The following CPNE8 variants were observed in gnomAD, a reference collection of about 807,000 sequenced individuals.
CPNE8 encodes copine-8.
Under a neutral mutation model 81.5 loss-of-function variants are expected in CPNE8, and 45 were observed. The observed-to-expected ratio is 0.55, with a 90% CI of 0.44 to 0.71. CPNE8 has a LOEUF of 0.71. CPNE8 is among the 30% of genes least tolerant of loss of function. CPNE8 has a pLI of 0.00. For synonymous variants in CPNE8, 252 were observed against 226.3 expected (o/e 1.11, Z -1.02); for missense variants, 594 against 672.1 (o/e 0.88, Z 1.28).
intron 6 of CPNE8, among the ~76,000 whole-genome samples, chr12:38,822,454 G>A (rs1943122122): frequency 6.6e-6 from 1 of 151,704 alleles, no homozygotes; most frequent in Non-Finnish European, 1.5e-5. Flanking sequence ...CATGAAGGAA[G>A]GAAGGAAAGA....
chr12:38,738,322 T>C (rs906364424), intron 10 of CPNE8, among the ~76,000 whole-genome samples: 4 of 152,156 alleles, frequency 2.6e-5, no homozygotes, highest in Non-Finnish European at 5.9e-5. Context: ...CCCAAAAATA[T>C]ATGTCTACCC....
At chr12:38,810,553 T>C (rs1353895988) in intron 6 of CPNE8, among the ~76,000 whole-genome samples, 1 of 152,098 alleles carries the variant, frequency 6.6e-6, no homozygotes, top group African/African-American at 2.4e-5. Context: ...TTCTAACATG[T>C]TCTTCAAAAT....
chr12:38,803,490 T>C (rs1319974104), intron 6 of CPNE8, among the ~76,000 whole-genome samples: 2 of 149,896 alleles, frequency 1.3e-5, no homozygotes, highest in Admixed American at 6.7e-5. Context: ...ATAAATTAGG[T>C]ATTGATGGGA....
chr12:38,862,554 C>G (rs921419665), intron 3 of CPNE8, among the ~76,000 whole-genome samples: 2 of 152,062 alleles, frequency 1.3e-5, no homozygotes, highest in Non-Finnish European at 2.9e-5. Context: ...ACATAACAAA[C>G]TTGGATATAA....
chr12:38,870,917 G>C (rs1272988093), intron 3 of CPNE8, among the ~76,000 whole-genome samples: 1 of 151,868 alleles, frequency 6.6e-6, no homozygotes, highest in Non-Finnish European at 1.5e-5. Flanking sequence ...TAACCTTTCT[G>C]TGTTTCATTT....
intron 13 of CPNE8, among the ~76,000 whole-genome samples, chr12:38,723,345 T>A (rs1940613289): frequency 6.6e-6 from 1 of 152,108 alleles, no homozygotes; most frequent in South Asian, 2.1e-4. Context: ...ACCAACTAAA[T>A]GACTACACCA....
In CPNE8 at chr12:38,845,832, T is replaced by A. The variant is rs143929468; in HGVS notation, c.290+2727A>T. Among the ~76,000 whole-genome samples, 480 of 152,302 alleles carry A rather than the reference T, an allele frequency of 3.2e-3. 1 individual carries two copies. Among genetic ancestry groups the A allele is most frequent in the African/African-American group, 0.011 (450 of 41,574 alleles). ...ATGGACTTGTTACTCCTCTTGATGATCTTCTGCAGGTAACCCTTTCTAGCC... is the reference window on the plus strand; with the variant it reads ...ATGGACTTGTTACTCCTCTTGATGAACTTCTGCAGGTAACCCTTTCTAGCC... On this transcript the variant is annotated intron_variant, in intron 4 of 19. Transcript: ENST00000331366.
At chr12:38,899,889 A>T (rs1046382460) in intron 1 of CPNE8, among the ~76,000 whole-genome samples, 2 of 152,162 alleles carry the variant, frequency 1.3e-5, no homozygotes, top group African/African-American at 4.8e-5. Context: ...GCACACATGA[A>T]TTGGGAAGAG....
In CPNE8 at chr12:38,716,984, A is replaced by C. The variant is rs181068870; in HGVS notation, c.914+6788T>G. ...CCATCAAAAAGTGAGGAAGGACATG[A>C]ATACACTGTTCTCAAAATAAGATAT... On this transcript the variant is annotated intron_variant, in intron 13 of 19. Transcript: ENST00000331366. Among the ~76,000 whole-genome samples, 19 of 152,226 alleles carry C rather than the reference A, an allele frequency of 1.2e-4. No homozygotes were observed. In the East Asian group the frequency reaches 3.1e-3, roughly 25 times the overall value.
intron 6 of CPNE8, among the ~76,000 whole-genome samples, chr12:38,820,734 A>G (rs905201959): frequency 1.3e-5 from 2 of 152,242 alleles, no homozygotes; most frequent in Non-Finnish European, 2.9e-5. Flanking sequence ...AGGCAAATAT[A>G]AACAAAAATA....
At chr12:38,885,236 A>C (rs12827647) in intron 1 of CPNE8, among the ~76,000 whole-genome samples, 33,847 of 152,152 alleles carry the variant, frequency 0.22, 4,794 homozygotes, top group Non-Finnish European at 0.3. Context: ...ATATACAAGA[A>C]TGTTAAGGCT....
At chr12:38,687,374 CTTT>C (rs61259310) in intron 15 of CPNE8, among the ~76,000 whole-genome samples, 4 of 58,660 alleles carry the variant, frequency 6.8e-5, no homozygotes, top group African/African-American at 1.6e-4. Context: ...CCAAGACTTT[CTTT>C]TTTTTTTTTT....
chr12:38,703,329 C>T (rs2136692018), intron 13 of CPNE8, among the ~76,000 whole-genome samples: 1 of 152,170 alleles, frequency 6.6e-6, no homozygotes, highest in African/African-American at 2.4e-5. Context: ...TGTTGCATTG[C>T]TAAAATCATC....
At chr12:38,664,392 CTA>C (rs1461490405) in intron 19 of CPNE8, among the ~76,000 whole-genome samples, 1 of 151,942 alleles carries the variant, frequency 6.6e-6, no homozygotes, top group African/African-American at 2.4e-5. Context: ...ATCATAATTA[CTA>C]TTTCTATTCA....
chr12:38,756,516 G>A (rs566303829), intron 10 of CPNE8, among the ~76,000 whole-genome samples: 1 of 152,128 alleles, frequency 6.6e-6, no homozygotes, highest in Non-Finnish European at 1.5e-5. Context: ...ACCATGCCCA[G>A]CTAATGTTTT....
intron 10 of CPNE8, among the ~76,000 whole-genome samples, chr12:38,743,885 T>G (rs1459630389): frequency 5.9e-5 from 9 of 152,196 alleles, no homozygotes; most frequent in African/African-American, 1.9e-4. Context: ...TCTGAGTATT[T>G]ATCAAAGCTG....
intron 6 of CPNE8, among the ~76,000 whole-genome samples, chr12:38,785,867 T>C (rs558639685): frequency 6.6e-6 from 1 of 152,164 alleles, no homozygotes; most frequent in East Asian, 1.9e-4. Flanking sequence ...TATAAGATAA[T>C]ATCTGCAAGC....
At chr12:38,887,307 A>C (rs1944250513) in intron 1 of CPNE8, among the ~76,000 whole-genome samples, 1 of 152,184 alleles carries the variant, frequency 6.6e-6, no homozygotes, top group Non-Finnish European at 1.5e-5. Flanking sequence ...AGGCCTGAAA[A>C]GCAGCAGCTA....
rs575837259 is a variant in CPNE8 at position 38,719,626 on chromosome 12, C to T, written c.914+4146G>A. 3.9e-4 allele frequency among the ~76,000 whole-genome samples: 58 copies of T among 149,406 alleles called. No individual in the cohort carries two copies. In the South Asian group the frequency reaches 0.012, roughly 31 times the overall value. On this transcript the variant is annotated intron_variant, in intron 13 of 19. Coordinates refer to ENST00000331366, the MANE Select transcript of CPNE8 (RefSeq NM_153634.3). ...AGAAAGAAAGAAATTGTGCCAATTG[C>T]TCTTAAGAAGTCCTTCAGGGCAAAG...
Sources: allele counts gnomAD v4.1 joint callset (sites outside exome capture counted in the v4.1 genomes callset), GRCh38; gene constraint gnomAD v4.1.1; transcripts MANE v1.5; gene names NCBI Gene and HGNC (gene_info 2026-07-23, HGNC 2026-07-21).